ART3: variants seen among roughly 807,000 people sequenced by gnomAD.
ART3 encodes ecto-ADP-ribosyltransferase 3.
A neutral mutation model predicts 48.5 loss-of-function variants in ART3; 49 were observed. The observed-to-expected ratio is 1.01, with a 90% CI of 0.80 to 1.28. The LOEUF (loss-of-function observed/expected upper bound fraction) is 1.28, where lower values mean the gene tolerates loss of function less well. Among genes scored for constraint, ART3 ranks in the 50% most tolerant of loss-of-function variants. The pLI, the probability that ART3 is intolerant of heterozygous loss-of-function variation, is 0.00. For missense variants in ART3, 438 were observed against 454.3 expected (o/e 0.96, Z 0.33); for synonymous variants, 145 against 157.2 (o/e 0.92, Z 0.58).
At chr4:76,079,235 G>A (rs1015565000) in intron 2 of ART3, among the ~76,000 whole-genome samples, 2 of 149,578 alleles carry the variant, frequency 1.3e-5, no homozygotes, top group East Asian at 2.0e-4. Flanking sequence ...CAAGGTTGCC[G>A]AACACTTAGT....
intron 1 of ART3, among the ~76,000 whole-genome samples, chr4:76,047,696 G>A (rs555876753): frequency 2.5e-4 from 38 of 152,058 alleles, no homozygotes; most frequent in African/African-American, 8.7e-4. Context: ...CTGACTGGTA[G>A]GGAATTTGTC....
intron 1 of ART3, among the ~76,000 whole-genome samples, chr4:76,063,548 C>T (rs553375683): frequency 1.2e-4 from 19 of 152,158 alleles, no homozygotes; most frequent in Admixed American, 9.8e-4. Context: ...GGAAAAAATC[C>T]TGAATTTTGT....
intron 1 of ART3, among the ~76,000 whole-genome samples, chr4:76,047,052 C>T (rs1451629166): frequency 6.6e-6 from 1 of 152,144 alleles, no homozygotes; most frequent in Admixed American, 6.6e-5. Context: ...TGGTTGGGGG[C>T]TTCTGACCCA....
intron 1 of ART3, among the ~76,000 whole-genome samples, chr4:76,061,847 C>T (rs1403115381): frequency 6.6e-6 from 1 of 152,146 alleles, no homozygotes; most frequent in Non-Finnish European, 1.5e-5. Flanking sequence ...GTTAGGGGCT[C>T]AGTAAATGTT....
chr4:76,091,075 C>T (rs1724777327), intron 3 of ART3, among the ~76,000 whole-genome samples: 1 of 152,204 alleles, frequency 6.6e-6, no homozygotes, highest in South Asian at 2.1e-4. Context: ...TGTGTTGTTG[C>T]ATGTATCAAT....
chr4:76,024,835 G>C (rs1733223471), intron 1 of ART3, among the ~76,000 whole-genome samples: 1 of 152,204 alleles, frequency 6.6e-6, no homozygotes, highest in Non-Finnish European at 1.5e-5. Context: ...CCTAGGATCA[G>C]GCTACTGTAC....
chr4:76,100,444 A>G, intron 6 of ART3, 124 bp downstream of exon 6: 1 of 943,320 alleles, frequency 1.1e-6, no homozygotes, highest in South Asian at 1.5e-5. Flanking sequence ...CATCCTGGCC[A>G]ACATAGTAAA....
At chr4:76,073,722 G>C (rs372881665), upstream of ART3, among the ~76,000 whole-genome samples, 1 of 152,130 alleles carries the variant, frequency 6.6e-6, no homozygotes, top group Non-Finnish European at 1.5e-5. Context: ...CTACTACCCA[G>C]GGTGACCACT....
chr4:76,105,477 T>C (rs1390236368), intron 10 of ART3: 2 of 1,283,264 alleles, frequency 1.6e-6, no homozygotes, highest in Admixed American at 4.7e-5. Context: ...TAGTAGTAAA[T>C]GGTAGCTGCC....
chr4:76,024,296 C>CG (rs34090845), intron 1 of ART3, among the ~76,000 whole-genome samples: 2,764 of 151,460 alleles, frequency 0.018, 42 homozygotes, highest in Non-Finnish European at 0.027. Flanking sequence ...AATTTAAAAG[C>CG]GGGGGGGCAC....
intron 1 of ART3, among the ~76,000 whole-genome samples, chr4:76,054,064 G>A (rs1305635783): frequency 6.6e-6 from 1 of 152,168 alleles, no homozygotes; most frequent in Non-Finnish European, 1.5e-5. Context: ...ACTAACTGAA[G>A]GAAGCTTGAT....
chr4:76,035,654 ATCT>A (rs1734322291), intron 1 of ART3, among the ~76,000 whole-genome samples: 1 of 152,358 alleles, frequency 6.6e-6, no homozygotes, highest in East Asian at 1.9e-4. Flanking sequence ...GCTATATAAA[ATCT>A]TCTTAACAGA....
At chr4:76,053,813 G>C (rs908196158) in intron 1 of ART3, among the ~76,000 whole-genome samples, 2 of 152,136 alleles carry the variant, frequency 1.3e-5, no homozygotes, top group Non-Finnish European at 2.9e-5. Context: ...ATGTATGTGA[G>C]CCAGGAACAG....
intron 1 of ART3, among the ~76,000 whole-genome samples, chr4:76,047,591 AG>A (rs1449732333): frequency 1.3e-5 from 2 of 151,844 alleles, no homozygotes; most frequent in African/African-American, 4.8e-5. Context: ...AATTCTCCTT[AG>A]TCCTTCTAGA....
At chr4:76,028,713 T>A (rs533519235) in intron 1 of ART3, among the ~76,000 whole-genome samples, 1 of 152,300 alleles carries the variant, frequency 6.6e-6, no homozygotes, top group South Asian at 2.1e-4. Context: ...GAGCTCACAG[T>A]GTTTGGTAAT....
At chr4:76,070,253 T>C (rs941869268), upstream of ART3, among the ~76,000 whole-genome samples, 7 of 152,202 alleles carry the variant, frequency 4.6e-5, no homozygotes, top group Admixed American at 2.0e-4. Flanking sequence ...AGTTTAACTT[T>C]ATGAAAACTG....
intron 2 of ART3, 151 bp downstream of exon 2, chr4:76,076,109 A>C: frequency 1.6e-6 from 1 of 636,646 alleles, no homozygotes. Flanking sequence ...GGTTCATGCC[A>C]TTTTCCTGCC....
At chr4:76,067,047 G>A (rs1366287577) in intron 1 of ART3, among the ~76,000 whole-genome samples, 1 of 152,198 alleles carries the variant, frequency 6.6e-6, no homozygotes, top group African/African-American at 2.4e-5. Context: ...AGGCAGCCCT[G>A]GCCACACCTT....
At chr4:76,066,189 G>C (rs376526523) in intron 1 of ART3, among the ~76,000 whole-genome samples, 5 of 152,164 alleles carry the variant, frequency 3.3e-5, no homozygotes, top group African/African-American at 1.2e-4. Context: ...ACTTCTCCTT[G>C]TGTTATAGGA....
Sources: gnomAD v4.1 joint callset for allele counts (sites outside exome capture counted in the v4.1 genomes callset) on GRCh38, gnomAD v4.1.1 for gene constraint, MANE v1.5 for transcripts, NCBI Gene and HGNC (gene_info 2026-07-23, HGNC 2026-07-21) for gene names.